The following ARB2A variants were observed in gnomAD, a reference collection of about 807,000 sequenced individuals.
The protein encoded by ARB2A is ARB2 cotranscriptional regulator A.
the ARB2A span, chr5:93,881,715 T>A: frequency 7.0e-7 from 1 of 1,423,818 alleles, no homozygotes; most frequent in African/African-American, 1.5e-5. Flanking sequence ...GAAGGTAGCA[T>A]AATTTAAATC....
chr5:93,813,161 T>C, the ARB2A span, among the ~76,000 whole-genome samples: 3 of 152,206 alleles, frequency 2.0e-5, no homozygotes, highest in South Asian at 2.1e-4. Context: ...TGTTATATCA[T>C]TGGTAGACAT....
chr5:93,762,195 G>A, the ARB2A span, among the ~76,000 whole-genome samples: 2 of 152,238 alleles, frequency 1.3e-5, no homozygotes, highest in Non-Finnish European at 2.9e-5. Flanking sequence ...AACAAAGCTA[G>A]ATGGAGAATG....
chr5:93,949,972 T>G, the ARB2A span, among the ~76,000 whole-genome samples: 2 of 152,208 alleles, frequency 1.3e-5, no homozygotes, highest in Non-Finnish European at 2.9e-5. Context: ...AGTCTGTCTT[T>G]CTGTGCCTGG....
chr5:93,648,485 G>T, the ARB2A span, among the ~76,000 whole-genome samples: 1 of 152,132 alleles, frequency 6.6e-6, no homozygotes, highest in East Asian at 1.9e-4. Flanking sequence ...CTTCCATTTT[G>T]CTATTAGCTC....
At chr5:93,995,980 A>G in the ARB2A span, among the ~76,000 whole-genome samples, 1 of 152,160 alleles carries the variant, frequency 6.6e-6, no homozygotes, top group Non-Finnish European at 1.5e-5. Flanking sequence ...ATTTTCTTCC[A>G]AATACTTTCC....
chr5:93,826,543 T>C, the ARB2A span, among the ~76,000 whole-genome samples: 1 of 152,150 alleles, frequency 6.6e-6, no homozygotes, highest in African/African-American at 2.4e-5. Context: ...GTCTAAGCTC[T>C]CCATATCCAG....
At chr5:93,948,856 T>C in the ARB2A span, among the ~76,000 whole-genome samples, 1 of 152,172 alleles carries the variant, frequency 6.6e-6, no homozygotes, top group African/African-American at 2.4e-5. Context: ...TTACAGGCAC[T>C]AGCCACAAAG....
chr5:93,951,577 A>G, the ARB2A span, among the ~76,000 whole-genome samples: 2 of 152,116 alleles, frequency 1.3e-5, no homozygotes, highest in African/African-American at 4.8e-5. Flanking sequence ...TTATTGACAG[A>G]CTTTCCTTTC....
At chr5:93,962,691 A>C in the ARB2A span, among the ~76,000 whole-genome samples, 1 of 152,128 alleles carries the variant, frequency 6.6e-6, no homozygotes. Flanking sequence ...GAAGTTTCAC[A>C]ACAGTACCAA....
chr5:93,856,316 T>C, the ARB2A span, among the ~76,000 whole-genome samples: 2 of 152,218 alleles, frequency 1.3e-5, no homozygotes, highest in East Asian at 3.9e-4. Flanking sequence ...TTCCTGAATC[T>C]GAATGTTGGC....
the ARB2A span, among the ~76,000 whole-genome samples, chr5:93,804,068 C>T: frequency 1.2e-3 from 190 of 152,086 alleles, no homozygotes; most frequent in African/African-American, 4.4e-3. Flanking sequence ...CTTTCTAGAA[C>T]ATCTCAAAGA....
chr5:93,987,568 C>G, the ARB2A span, among the ~76,000 whole-genome samples: 9 of 152,240 alleles, frequency 5.9e-5, no homozygotes, highest in South Asian at 1.9e-3. Context: ...TTGTGGGGTA[C>G]ATTCTAAAAG....
At chr5:93,879,615 A>T in the ARB2A span, among the ~76,000 whole-genome samples, 1 of 151,874 alleles carries the variant, frequency 6.6e-6, no homozygotes, top group African/African-American at 2.4e-5. Context: ...AGATGAGAGG[A>T]AAAACAAAGC....
At chr5:93,865,932 A>G in the ARB2A span, 1 of 985,444 alleles carries the variant, frequency 1.0e-6, no homozygotes, top group Non-Finnish European at 1.2e-6. Flanking sequence ...CCATAAGGGC[A>G]CTCAGTGTAT....
the ARB2A span, among the ~76,000 whole-genome samples, chr5:93,979,225 G>C: frequency 6.6e-6 from 1 of 152,066 alleles, no homozygotes; most frequent in Non-Finnish European, 1.5e-5. Context: ...GCAATTGGTA[G>C]GAGATTTCAG....
the ARB2A span, among the ~76,000 whole-genome samples, chr5:93,635,622 T>C: frequency 2.0e-5 from 3 of 152,012 alleles, no homozygotes; most frequent in African/African-American, 7.3e-5. Flanking sequence ...GTATTTTTGG[T>C]AGAGACAGGG....
At chr5:93,830,212 C>G in the ARB2A span, among the ~76,000 whole-genome samples, 1 of 150,496 alleles carries the variant, frequency 6.6e-6, no homozygotes, top group Non-Finnish European at 1.5e-5. Context: ...GCATAACTAA[C>G]CATCTTAAAT....
the ARB2A span, among the ~76,000 whole-genome samples, chr5:93,899,248 A>G: frequency 2.0e-5 from 3 of 152,124 alleles, no homozygotes; most frequent in Non-Finnish European, 2.9e-5. Context: ...TCCATTAGCT[A>G]AAGAGCAGCT....
chr5:94,096,654 A>C, the ARB2A span, among the ~76,000 whole-genome samples: 1 of 152,318 alleles, frequency 6.6e-6, no homozygotes, highest in Middle Eastern at 3.4e-3. Flanking sequence ...GACGATGATT[A>C]AATAAATATA....
Sources: gnomAD v4.1 joint callset for allele counts (sites outside exome capture counted in the v4.1 genomes callset) on GRCh38, gnomAD v4.1.1 for gene constraint, MANE v1.5 for transcripts, NCBI Gene and HGNC (gene_info 2026-07-23, HGNC 2026-07-21) for gene names.